Variants in DRC4 observed in about 807,000 individuals in gnomAD.
DRC4 encodes dynein regulatory complex subunit 4.
At chr16:90,031,121 A>G in the DRC4 span, 1 of 1,399,138 alleles carries the variant, frequency 7.1e-7, no homozygotes. Context: ...CCACCTGCTG[A>G]ATGCATTCTG....
At chr16:90,021,573 T>TA in the DRC4 span, among the ~76,000 whole-genome samples, 2 of 151,956 alleles carry the variant, frequency 1.3e-5, no homozygotes, top group South Asian at 4.2e-4. Flanking sequence ...AAGAAGATGT[T>TA]AAAGATGAGA....
the DRC4 span, chr16:90,036,695 C>G: frequency 5.3e-6 from 5 of 937,606 alleles, no homozygotes; most frequent in Admixed American, 9.9e-5. Context: ...ACACCCAGTA[C>G]TTTTTATAAG....
the DRC4 span, chr16:90,022,672 G>T: frequency 7.0e-7 from 1 of 1,420,114 alleles, no homozygotes; most frequent in Non-Finnish European, 9.3e-7. Flanking sequence ...TGGCTTCCGG[G>T]GGCGGGCGCC....
chr16:90,039,021 CT>C, the DRC4 span, among the ~76,000 whole-genome samples: 1 of 152,232 alleles, frequency 6.6e-6, no homozygotes, highest in Non-Finnish European at 1.5e-5. Flanking sequence ...TCCCATCTGT[CT>C]GTCAGATCTA....
At chr16:90,037,620 G>A in the DRC4 span, 1 of 989,974 alleles carries the variant, frequency 1.0e-6, no homozygotes, top group Non-Finnish European at 1.6e-6. Flanking sequence ...GGCCGGCCTT[G>A]GTGAGACTCA....
the DRC4 span, chr16:90,031,601 G>C: frequency 1.6e-6 from 2 of 1,241,022 alleles, no homozygotes; most frequent in Admixed American, 5.0e-5. Context: ...TTGGCTTTGG[G>C]AGTCACAGCC....
At chr16:90,035,801 C>T in the DRC4 span, 1 of 1,603,052 alleles carries the variant, frequency 6.2e-7, no homozygotes, top group Non-Finnish European at 8.5e-7. Flanking sequence ...TTAAAACAGC[C>T]AAGGCATGCA....
the DRC4 span, among the ~76,000 whole-genome samples, chr16:90,034,708 T>TA: frequency 1.3e-5 from 2 of 151,488 alleles, no homozygotes; most frequent in African/African-American, 4.8e-5. Context: ...TATATAATAA[T>TA]TGTTCATTAA....
the DRC4 span, chr16:90,039,977 A>C: frequency 2.6e-6 from 1 of 386,896 alleles, no homozygotes; most frequent in Non-Finnish European, 5.0e-6. Flanking sequence ...CACTCGGGCA[A>C]GACTGGCCTC....
chr16:90,043,801 G>A, the DRC4 span: 27 of 469,638 alleles, frequency 5.7e-5, no homozygotes, highest in Middle Eastern at 3.3e-4. Flanking sequence ...ACTTCCCTAG[G>A]AAGTGGTGAG....
chr16:90,041,326 T>TCG, the DRC4 span, among the ~76,000 whole-genome samples: 2 of 152,284 alleles, frequency 1.3e-5, no homozygotes, highest in African/African-American at 2.4e-5. Context: ...GGGACACTGT[T>TCG]TGCTGCTGGC....
chr16:90,044,623 G>A, the DRC4 span: 2 of 471,162 alleles, frequency 4.2e-6, no homozygotes, highest in Non-Finnish European at 4.4e-6. Flanking sequence ...GGTCTGTGTA[G>A]CTGGGGAGAG....
At chr16:90,031,618 G>C in the DRC4 span, 7 of 1,111,308 alleles carry the variant, frequency 6.3e-6, no homozygotes, top group Non-Finnish European at 8.8e-6. Context: ...AGCCTTAAAG[G>C]TGTTTTTTAT....
the DRC4 span, chr16:90,029,189 TGGGGCAGCCTAC>T: frequency 1.0e-5 from 14 of 1,340,270 alleles, no homozygotes; most frequent in African/African-American, 1.5e-5. Flanking sequence ...GGGCAGGCTA[TGGGGCAGCCTAC>T]GGGGCAGGCT....
the DRC4 span, among the ~76,000 whole-genome samples, chr16:90,026,706 CG>C: frequency 6.6e-6 from 1 of 151,398 alleles, no homozygotes; most frequent in Non-Finnish European, 1.5e-5. Context: ...TTTTTGGAGA[CG>C]GGGTCTCGTT....
the DRC4 span, chr16:90,040,489 C>T: frequency 6.2e-7 from 1 of 1,604,294 alleles, no homozygotes; most frequent in African/African-American, 1.3e-5. Flanking sequence ...AGCCCTGACG[C>T]TGGTGTCCCG....
At chr16:90,022,643 C>CGGTTGCCGGGAAACGGCGT in the DRC4 span, 5 of 1,378,934 alleles carry the variant, frequency 3.6e-6, no homozygotes, top group Non-Finnish European at 4.8e-6. Context: ...CATCGCCCAG[C>CGGTTGCCGGGAAACGGCGT]GGTTGCCGGG....
At chr16:90,039,543 G>T in the DRC4 span, among the ~76,000 whole-genome samples, 31 of 151,592 alleles carry the variant, frequency 2.0e-4, no homozygotes, top group Non-Finnish European at 2.9e-4. Context: ...CTGCCACCAC[G>T]CCCGGCTAAT....
At chr16:90,023,524 C>T in the DRC4 span, among the ~76,000 whole-genome samples, 2 of 152,188 alleles carry the variant, frequency 1.3e-5, no homozygotes, top group African/African-American at 4.8e-5. Context: ...GTGAAGGTCC[C>T]AAATGCTAAG....
Sources: gnomAD v4.1 joint callset for allele counts (sites outside exome capture counted in the v4.1 genomes callset) on GRCh38, gnomAD v4.1.1 for gene constraint, MANE v1.5 for transcripts, NCBI Gene and HGNC (gene_info 2026-07-23, HGNC 2026-07-21) for gene names.